ACOXL: variants seen among roughly 807,000 people sequenced by gnomAD.
ACOXL encodes the protein acyl-CoA oxidase like, also known as acyl-coenzyme A oxidase-like protein.
ACOXL carries 70 observed loss-of-function variants against 71.9 expected under a neutral mutation model. The observed-to-expected ratio is 0.97, with a 90% CI of 0.80 to 1.19. ACOXL has a LOEUF of 1.19. Among genes scored for constraint, ACOXL ranks in the 50% most tolerant of loss-of-function variants. ACOXL has a pLI of 0.00. For synonymous variants in ACOXL, 253 were observed against 281.6 expected, an observed-to-expected ratio of 0.90 and a Z score of 1.02; for missense variants, 703 against 736.3, an observed-to-expected ratio of 0.95 and a Z score of 0.52.
chr2:110,741,076 G>C (rs1301095535), intron 1 of ACOXL, among the ~76,000 whole-genome samples: 4 of 152,122 alleles, frequency 2.6e-5, no homozygotes, highest in Non-Finnish European at 5.9e-5. Flanking sequence ...AAATATCCCA[G>C]GCATTCCTGG....
At position 110,752,858 on chromosome 2, in the gene ACOXL, C is replaced by T. The variant is rs143111714; in HGVS notation, c.-22-15510C>T. On this transcript the variant is annotated intron_variant, in intron 1 of 17. Coordinates refer to ENST00000439055, the MANE Select transcript of ACOXL (RefSeq NM_001142807.4). ...GTCTGTGGGTCAGGAATTTCAGTGTCTTAATTGGGTGGCGCTGGGTCAGGC... is the reference window on the plus strand; with the variant it reads ...GTCTGTGGGTCAGGAATTTCAGTGTTTTAATTGGGTGGCGCTGGGTCAGGC... Among the ~76,000 whole-genome samples, 190 of 152,194 alleles carry T rather than the reference C, an allele frequency of 1.2e-3. 1 individual carries two copies. The highest frequency in any genetic ancestry group is 3.3e-3 in the Admixed American group (51 of 15,284).
intron 12 of ACOXL, among the ~76,000 whole-genome samples, chr2:110,951,112 AG>A: frequency 6.6e-6 from 1 of 152,304 alleles, no homozygotes; most frequent in Admixed American, 6.5e-5. Flanking sequence ...ACTTCTGGTT[AG>A]GGAATGGGGT....
At chr2:111,052,312 C>T (rs368123133) in intron 16 of ACOXL, among the ~76,000 whole-genome samples, 650 of 152,310 alleles carry the variant, frequency 4.3e-3, no homozygotes, top group Non-Finnish European at 7.6e-3. Context: ...ACCATGAGAG[C>T]ACACACGGGA....
intron 17 of ACOXL, among the ~76,000 whole-genome samples, chr2:111,104,598 G>A (rs1444597132): frequency 6.6e-6 from 1 of 152,178 alleles, no homozygotes; most frequent in Non-Finnish European, 1.5e-5. Context: ...ATGATGTTGA[G>A]TATCTTTTCA....
chr2:110,798,247 A>C (rs984567188), intron 5 of ACOXL, among the ~76,000 whole-genome samples: 3 of 148,732 alleles, frequency 2.0e-5, no homozygotes, highest in African/African-American at 4.9e-5. Flanking sequence ...TGTTTTTCAC[A>C]GTATTCATTG....
chr2:110,783,134 A>C (rs1436228511), intron 2 of ACOXL, among the ~76,000 whole-genome samples: 4 of 152,158 alleles, frequency 2.6e-5, no homozygotes, highest in African/African-American at 9.7e-5. Context: ...CTGGTGGGAC[A>C]AGTCATTTGA....
intron 1 of ACOXL, among the ~76,000 whole-genome samples, chr2:110,751,060 A>C (rs1678879681): frequency 6.6e-6 from 1 of 151,846 alleles, no homozygotes; most frequent in African/African-American, 2.4e-5. Flanking sequence ...GCACTTTGGG[A>C]GGCCGAGGCA....
chr2:110,933,551 C>G lies in ACOXL; in HGVS notation c.968C>G (p.Ser323Trp). The G allele has an allele frequency of 6.2e-7, 1 of 1,614,166 alleles. No individual in the cohort carries two copies. The highest frequency in any genetic ancestry group is 2.2e-5 in the East Asian group (1 of 44,884). ...GGAAAGGAGCTGGTCAACAGTCGCT[C>G]GCTGCAGGCTCTGGTGGCGGGGCTG... ...FQGKELVNSR[S>W]LQALVAGLKA... is the part of the protein sequence containing the mutation. The change falls in exon 12 of 18, where the codon TCG becomes TGG. Residue 323 changes from serine to tryptophan, a missense_variant. Ser to Trp is a radical substitution (Grantham distance 177). Transcript: ENST00000439055.
intron 11 of ACOXL, among the ~76,000 whole-genome samples, chr2:110,926,480 C>T (rs7597301): frequency 0.42 from 64,550 of 151,918 alleles, 15,027 homozygotes; most frequent in East Asian, 0.54. Flanking sequence ...GGGTCCTAAT[C>T]CTGATCTTGC....
chr2:110,902,773 C>G (rs893233962), intron 10 of ACOXL, among the ~76,000 whole-genome samples: 2 of 152,118 alleles, frequency 1.3e-5, no homozygotes, highest in South Asian at 2.1e-4. Context: ...CTAGGAGTGC[C>G]CCAGAGAAGG....
At chr2:110,784,475 C>T (rs1001637325) in intron 2 of ACOXL, among the ~76,000 whole-genome samples, 3 of 152,106 alleles carry the variant, frequency 2.0e-5, no homozygotes, top group African/African-American at 7.2e-5. Flanking sequence ...TGCAGGCTGG[C>T]CTCCATGCGG....
chr2:110,864,281 T>C (rs550956240), intron 10 of ACOXL, among the ~76,000 whole-genome samples: 2 of 152,290 alleles, frequency 1.3e-5, no homozygotes, highest in East Asian at 3.9e-4. Context: ...CTGTAGAGCA[T>C]GTGGAACAGG....
At chr2:110,942,082 A>G (rs1327083942) in intron 12 of ACOXL, among the ~76,000 whole-genome samples, 1 of 152,236 alleles carries the variant, frequency 6.6e-6, no homozygotes, top group Non-Finnish European at 1.5e-5. Flanking sequence ...TCCTTAGACT[A>G]TGTGTGAAGT....
intron 15 of ACOXL, among the ~76,000 whole-genome samples, chr2:111,034,817 G>A (rs1445760903): frequency 6.6e-6 from 1 of 152,164 alleles, no homozygotes; most frequent in African/African-American, 2.4e-5. Flanking sequence ...AGAAGTAGAA[G>A]GAGCCCATCT....
intron 10 of ACOXL, among the ~76,000 whole-genome samples, chr2:110,843,533 C>T (rs547438247): frequency 2.0e-5 from 3 of 152,240 alleles, no homozygotes; most frequent in Non-Finnish European, 4.4e-5. Context: ...TGGATCCTGG[C>T]GGCTTCAGAT....
At chr2:111,088,696 A>G (rs1025460726) in intron 16 of ACOXL, among the ~76,000 whole-genome samples, 1 of 152,158 alleles carries the variant, frequency 6.6e-6, no homozygotes, top group Non-Finnish European at 1.5e-5. Context: ...GGCTTGGTAC[A>G]TGGGTGATGA....
At chr2:110,963,853 AGGG>A in intron 12 of ACOXL, 5 of 1,251,376 alleles carry the variant, frequency 4.0e-6, no homozygotes, top group Non-Finnish European at 5.4e-6. Context: ...GTAGCTGAAC[AGGG>A]GATTACGTTA....
In ACOXL at chr2:110,898,803, C is replaced by G. The variant is rs533268245; in HGVS notation, c.789-9986C>G. On this transcript the variant is annotated intron_variant, in intron 10 of 17. Coordinates refer to ENST00000439055, the MANE Select transcript of ACOXL (RefSeq NM_001142807.4). Reference sequence around the variant, plus strand: ...TGGAAAAGGAGTAATAAAACTGTTTCTATATTCAGATGACATGCTTATTTA... The same window carrying G: ...TGGAAAAGGAGTAATAAAACTGTTTGTATATTCAGATGACATGCTTATTTA... 1.1e-4 allele frequency among the ~76,000 whole-genome samples: 16 copies of G among 152,156 alleles called. No homozygotes were observed. In the South Asian group the frequency reaches 3.3e-3, roughly 32 times the overall value.
At chr2:110,761,649 C>G (rs1036204248) in intron 1 of ACOXL, among the ~76,000 whole-genome samples, 6 of 152,146 alleles carry the variant, frequency 3.9e-5, no homozygotes, top group African/African-American at 1.4e-4. Flanking sequence ...TACTGTACAC[C>G]CATACTGCCA....
Sources: allele counts gnomAD v4.1 joint callset (sites outside exome capture counted in the v4.1 genomes callset), GRCh38; gene constraint gnomAD v4.1.1; transcripts MANE v1.5; gene names NCBI Gene and HGNC (gene_info 2026-07-23, HGNC 2026-07-21).